Variants in XYLT1 observed in about 807,000 individuals in gnomAD.
XYLT1 encodes xylosyltransferase 1.
In XYLT1, 36 loss-of-function variants were observed where a neutral mutation model predicts 91.3. The ratio of observed to expected loss-of-function variants is 0.39; its 90% CI spans 0.30 to 0.52. The LOEUF (loss-of-function observed/expected upper bound fraction) is 0.52. Among genes scored for constraint, XYLT1 ranks in the 20% least tolerant of loss-of-function variants. XYLT1 has a pLI of 0.68. For synonymous variants in XYLT1, 588 were observed against 532.0 expected (o/e 1.11, Z -1.45); for missense variants, 1,242 against 1,284.5 (o/e 0.97, Z 0.51).
chr16:17,420,226 A>G (rs913713740), intron 1 of XYLT1, among the ~76,000 whole-genome samples: 1 of 152,230 alleles, frequency 6.6e-6, no homozygotes, highest in Non-Finnish European at 1.5e-5. Flanking sequence ...TGCTAGAGTT[A>G]TACACATAAT....
chr16:17,301,385 G>A (rs1045123051), intron 2 of XYLT1, among the ~76,000 whole-genome samples: 3 of 152,038 alleles, frequency 2.0e-5, no homozygotes, highest in African/African-American at 7.3e-5. Context: ...ACTCCAGCCT[G>A]GGCAACACAA....
rs969063311 is a variant in XYLT1 at position 17,105,997 on chromosome 16, C to T, written c.*2698G>A. On this transcript the variant is annotated 3_prime_UTR_variant, in exon 12 of 12. Transcript: ENST00000261381. ...TCTCTGGTCTATTAATTAATAACAT[C>T]AGAGAAGGGAGAGGAATACCCTGTG... The T allele has an allele frequency of 6.6e-6, 1 of 151,776 alleles. No homozygotes were observed. The highest frequency in any genetic ancestry group is 1.5e-5 in the Non-Finnish European group (1 of 67,984). The allele number at this position is 151,776 out of a possible 1,614,324, so 9.4% of individuals were successfully genotyped here.
intron 6 of XYLT1, among the ~76,000 whole-genome samples, chr16:17,143,340 T>C (rs1379626921): frequency 6.6e-6 from 1 of 152,152 alleles, no homozygotes; most frequent in African/African-American, 2.4e-5. Context: ...TGCCAGGTAC[T>C]GTGCTGGCCC....
chr16:17,416,440 T>C (rs1474296721), intron 1 of XYLT1, among the ~76,000 whole-genome samples: 1 of 152,208 alleles, frequency 6.6e-6, no homozygotes, highest in African/African-American at 2.4e-5. Context: ...AAAGGCCATG[T>C]GTCCTGGTTC....
chr16:17,352,862 TGTATCTTTCACAGTTA>T (rs2035240992), intron 2 of XYLT1, among the ~76,000 whole-genome samples: 1 of 152,372 alleles, frequency 6.6e-6, no homozygotes, highest in African/African-American at 2.4e-5. Flanking sequence ...TTTTCTCTGC[TGTATCTTTCACAGTTA>T]GCACAAGGCC....
chr16:17,333,522 G>A (rs2034932487), intron 2 of XYLT1, among the ~76,000 whole-genome samples: 1 of 151,770 alleles, frequency 6.6e-6, no homozygotes, highest in African/African-American at 2.4e-5. Flanking sequence ...CTGGAGGGTT[G>A]CTAGGGTTTC....
chr16:17,119,568 T>TGTC (rs1182450154), intron 10 of XYLT1, among the ~76,000 whole-genome samples: 3 of 152,236 alleles, frequency 2.0e-5, no homozygotes, highest in African/African-American at 7.2e-5. Context: ...AGAGGTACTA[T>TGTC]GTCAGTCCAT....
chr16:17,406,351 C>T (rs1295824113), intron 1 of XYLT1, among the ~76,000 whole-genome samples: 1 of 152,156 alleles, frequency 6.6e-6, no homozygotes, highest in Non-Finnish European at 1.5e-5. Flanking sequence ...TCAAGCTCTC[C>T]CAACCCTCCC....
At chr16:17,259,537 TGA>T in intron 2 of XYLT1, 39 bp from the exon 3 acceptor site, 1 of 1,589,308 alleles carries the variant, frequency 6.3e-7, no homozygotes, top group South Asian at 1.1e-5. Flanking sequence ...GAAACTTGAC[TGA>T]GAGATCATGC....
intron 3 of XYLT1, among the ~76,000 whole-genome samples, chr16:17,238,444 C>CT (rs2033282878): frequency 6.6e-6 from 1 of 152,228 alleles, no homozygotes; most frequent in African/African-American, 2.4e-5. Context: ...GTTGCAACCA[C>CT]TCAGCTCTGC....
chr16:17,181,276 C>T (rs772036731), intron 5 of XYLT1, among the ~76,000 whole-genome samples: 14 of 152,132 alleles, frequency 9.2e-5, no homozygotes, highest in South Asian at 8.3e-4. Context: ...ACTCTCATCA[C>T]GATCAGACTT....
intron 6 of XYLT1, among the ~76,000 whole-genome samples, chr16:17,156,411 G>C (rs1372857278): frequency 6.6e-6 from 1 of 152,144 alleles, no homozygotes; most frequent in East Asian, 1.9e-4. Flanking sequence ...GAAGAAGAAG[G>C]GTTTTTCCTT....
Position 17,174,510 on chromosome 16 carries a change from G to A in XYLT1, c.1290-15601C>T, listed in dbSNP as rs931575976. 2.6e-5 allele frequency among the ~76,000 whole-genome samples: 4 copies of A among 152,150 alleles called. No individual in the cohort carries two copies. The South Asian group carries it at 8.3e-4, about 31-fold the overall frequency. Reference sequence around the variant, plus strand: ...GAAAACATAATGCTAAGTGAAAGAAGCCAGACGTGAAATACCCACATGATG... The same window carrying A: ...GAAAACATAATGCTAAGTGAAAGAAACCAGACGTGAAATACCCACATGATG... On this transcript the variant is annotated intron_variant, in intron 5 of 11. Transcript: ENST00000261381.
chr16:17,130,566 G>A lies in XYLT1; in HGVS notation c.2028-2705C>T, dbSNP rs181219549. Among the ~76,000 whole-genome samples the A allele has an allele frequency of 2.8e-3, 422 of 152,140 alleles. 4 individuals carry two copies. The highest frequency in any genetic ancestry group is 9.1e-3 in the African/African-American group (379 of 41,498). ...TGGCTCACTGCAACCTCTGCCTCCC[G>A]GGTTCAAGCAGTTCTCCCTGACTCA... On this transcript the variant is annotated intron_variant, in intron 9 of 11. Transcript: ENST00000261381.
intron 1 of XYLT1, among the ~76,000 whole-genome samples, chr16:17,444,084 T>A (rs1349426166): frequency 6.6e-6 from 1 of 152,154 alleles, no homozygotes; most frequent in African/African-American, 2.4e-5. Context: ...TTTCTGTGCC[T>A]CCTGGCTGGA....
chr16:17,371,091 G>A (rs1022926792), intron 1 of XYLT1, among the ~76,000 whole-genome samples: 1 of 152,184 alleles, frequency 6.6e-6, no homozygotes, highest in African/African-American at 2.4e-5. Flanking sequence ...GTAAAGTAAC[G>A]TGGCTGCAAA....
At chr16:17,163,640 G>C (rs2031603279) in intron 5 of XYLT1, among the ~76,000 whole-genome samples, 1 of 152,200 alleles carries the variant, frequency 6.6e-6, no homozygotes, top group South Asian at 2.1e-4. Context: ...AGGATTTTGT[G>C]AATGTCAGGA....
chr16:17,365,657 A>G (rs984087441), intron 1 of XYLT1, among the ~76,000 whole-genome samples: 1 of 152,188 alleles, frequency 6.6e-6, no homozygotes, highest in African/African-American at 2.4e-5. Flanking sequence ...TCTTTCTGCT[A>G]TCCTACTTTC....
intron 1 of XYLT1, among the ~76,000 whole-genome samples, chr16:17,447,442 T>C (rs1567206451): frequency 1.3e-5 from 2 of 152,216 alleles, no homozygotes; most frequent in Non-Finnish European, 2.9e-5. Context: ...CCCACATTAT[T>C]TTATAAAACG....
Sources: allele counts gnomAD v4.1 joint callset (sites outside exome capture counted in the v4.1 genomes callset), GRCh38; gene constraint gnomAD v4.1.1; transcripts MANE v1.5; gene names NCBI Gene and HGNC (gene_info 2026-07-23, HGNC 2026-07-21).